The following P3H2 variants were observed in gnomAD, a reference collection of about 807,000 sequenced individuals.
P3H2 encodes the protein leprecan-like 1.
Under a neutral mutation model 87.0 loss-of-function variants are expected in P3H2, and 80 were observed. The observed-to-expected ratio is 0.92, with a 90% CI of 0.77 to 1.11. The LOEUF is 1.11. P3H2 is among the 50% of genes least tolerant of loss of function. P3H2 has a pLI of 0.00. For missense variants in P3H2, 1,001 were observed against 923.9 expected (o/e 1.08, Z -1.08); for synonymous variants, 367 against 359.3 (o/e 1.02, Z -0.24).
chr3:190,044,971 G>C (rs541692540), intron 1 of P3H2, among the ~76,000 whole-genome samples: 56 of 152,288 alleles, frequency 3.7e-4, no homozygotes, highest in African/African-American at 1.3e-3. Flanking sequence ...AGTAATTTGG[G>C]GAGGAGGAGA....
At position 190,105,834 on chromosome 3, in the gene P3H2, C is replaced by G. The variant is rs914060493; in HGVS notation, c.480+14418G>C. Reference sequence around the variant, plus strand: ...GCTGCCCTAGTCCAAATGCAAACCCCAAGGACTAGAGAAAGCCATTTATGA... The same window carrying G: ...GCTGCCCTAGTCCAAATGCAAACCCGAAGGACTAGAGAAAGCCATTTATGA... On this transcript the variant is annotated intron_variant, in intron 1 of 14. Transcript: ENST00000319332. 6.6e-5 allele frequency among the ~76,000 whole-genome samples: 10 copies of G among 152,180 alleles called. No homozygotes were observed. In the East Asian group the frequency reaches 7.7e-4, roughly 12 times the overall value.
At chr3:189,979,680 G>C (rs1459304572) in intron 8 of P3H2, among the ~76,000 whole-genome samples, 1 of 151,992 alleles carries the variant, frequency 6.6e-6, no homozygotes, top group African/African-American at 2.4e-5. Flanking sequence ...CTGGTGGGTG[G>C]GCTGAGCACA....
intron 1 of P3H2, among the ~76,000 whole-genome samples, chr3:190,084,804 CCA>C (rs1288333329): frequency 6.6e-6 from 1 of 152,068 alleles, no homozygotes; most frequent in Non-Finnish European, 1.5e-5. Context: ...TTTGTTTTAG[CCA>C]CAGTCTCTAC....
intron 1 of P3H2, among the ~76,000 whole-genome samples, chr3:190,067,559 A>G (rs1726551492): frequency 6.6e-6 from 1 of 152,150 alleles, no homozygotes. Flanking sequence ...CTTTTGAATA[A>G]CTAGTGATTC....
At chr3:190,040,759 C>CA (rs1437983220) in intron 1 of P3H2, among the ~76,000 whole-genome samples, 3 of 151,756 alleles carry the variant, frequency 2.0e-5, no homozygotes, top group Admixed American at 6.6e-5. Context: ...GAACTCTATG[C>CA]AAAAAATGAG....
chr3:189,957,488 A>C lies in P3H2; in HGVS notation c.*424T>G. 2.7e-6 allele frequency: 1 copy of C among 367,026 alleles called. No individual in the cohort carries two copies. The allele number at this position is 367,026 out of a possible 1,614,324, so 22.7% of individuals were successfully genotyped here. ...GTGTGTGTGTGTGTGTGTTTGGGGG[A>C]GGAGGTGAACTGGGCTTTGATAGAT... On this transcript the variant is annotated 3_prime_UTR_variant, in exon 15 of 15. Coordinates refer to ENST00000319332, the MANE Select transcript of P3H2 (RefSeq NM_018192.4).
At chr3:190,006,318 A>C (rs1298821140) in intron 1 of P3H2, among the ~76,000 whole-genome samples, 1 of 152,238 alleles carries the variant, frequency 6.6e-6, no homozygotes, top group East Asian at 1.9e-4. Context: ...GAACCTGCCT[A>C]GAATATTAGC....
At position 190,120,651 on chromosome 3, in the gene P3H2, CG is replaced by C; in HGVS notation, c.80del (p.Pro27ArgfsTer177). ...LLPPPLWGGP[P>X]DSPRRELELE... ...GCTCCAGCTCCCGGCGTGGGCTGTC[CG>C]GGGGGCCGCCCCACAGTGGCGGCGG... is the stretch of plus-strand genomic sequence containing the variant. On this transcript the variant is annotated frameshift_variant, in exon 1 of 15. Coordinates refer to ENST00000319332, the MANE Select transcript of P3H2 (RefSeq NM_018192.4). LOFTEE classifies it high-confidence loss of function. 1 of 1,525,620 alleles carries C rather than the reference CG, an allele frequency of 6.6e-7. No homozygotes were observed. Among genetic ancestry groups the C allele is most frequent in the Non-Finnish European group, 8.7e-7 (1 of 1,143,614 alleles). 94.5% of individuals were successfully genotyped at this position (1,525,620 alleles called of 1,614,324 possible). A position where few individuals can be genotyped will look rare whatever the true frequency, so the allele number is the denominator to read the frequency against.
intron 1 of P3H2, among the ~76,000 whole-genome samples, chr3:190,019,786 A>G (rs1317943518): frequency 2.7e-5 from 1 of 36,708 alleles, no homozygotes; most frequent in African/African-American, 6.8e-5. Flanking sequence ...AAATTAAAAA[A>G]TATATATATA....
chr3:190,042,572 A>T (rs940369534), intron 1 of P3H2, among the ~76,000 whole-genome samples: 1 of 152,212 alleles, frequency 6.6e-6, no homozygotes, highest in Non-Finnish European at 1.5e-5. Context: ...TATATTTGTA[A>T]TAAAAGATTT....
Position 190,082,514 on chromosome 3 carries a change from G to A in P3H2, c.480+37738C>T, listed in dbSNP as rs559534599. 2.0e-5 allele frequency among the ~76,000 whole-genome samples: 3 copies of A among 152,182 alleles called. No individual in the cohort carries two copies. In the South Asian group the frequency reaches 6.2e-4, roughly 32 times the overall value. The stretch of plus-strand genomic sequence containing the variant: ...GTACAAGGTAGAACAATCAAGTCAG[G>A]GTAATTGGGATAGCCTCCAACTCAA... On this transcript the variant is annotated intron_variant, in intron 1 of 14. Transcript: ENST00000319332.
At chr3:190,029,646 C>G (rs1351211827) in intron 1 of P3H2, among the ~76,000 whole-genome samples, 1 of 151,930 alleles carries the variant, frequency 6.6e-6, no homozygotes. Context: ...GACCAATAAA[C>G]AAGATGTCAA....
At chr3:190,072,888 T>C (rs1726751281) in intron 1 of P3H2, among the ~76,000 whole-genome samples, 1 of 152,232 alleles carries the variant, frequency 6.6e-6, no homozygotes, top group Non-Finnish European at 1.5e-5. Flanking sequence ...TTGTTATCTA[T>C]ACTTTGCTTC....
intron 1 of P3H2, among the ~76,000 whole-genome samples, chr3:190,101,545 C>T (rs1711628959): frequency 6.6e-6 from 1 of 151,782 alleles, no homozygotes; most frequent in South Asian, 2.1e-4. Flanking sequence ...TAATTCAGGG[C>T]AAGAGTCAAA....
chr3:189,986,712 T>C, intron 6 of P3H2, 76 bp downstream of exon 6: 1 of 1,085,420 alleles, frequency 9.2e-7, no homozygotes, highest in African/African-American at 1.6e-5. Flanking sequence ...ATGGCAAAAA[T>C]GGAGGCAGGT....
At chr3:190,121,885 A>G (rs1295625540), upstream of P3H2, among the ~76,000 whole-genome samples, 2 of 152,154 alleles carry the variant, frequency 1.3e-5, no homozygotes, top group African/African-American at 2.4e-5. Context: ...TGAGGTCAGG[A>G]GTTCGAGACC....
chr3:190,065,876 G>A (rs190393885), intron 1 of P3H2, among the ~76,000 whole-genome samples: 80 of 152,126 alleles, frequency 5.3e-4, no homozygotes, highest in African/African-American at 1.9e-3. Context: ...CGCCTTTGCT[G>A]TATCCCAGAG....
chr3:189,995,741 T>C lies in P3H2; in HGVS notation c.481-299A>G, dbSNP rs78696821. On this transcript the variant is annotated intron_variant, in intron 1 of 14. Coordinates refer to ENST00000319332, the MANE Select transcript of P3H2 (RefSeq NM_018192.4). ...GTTAATATCTAGGATCTATAAGATA[T>C]ATAAAAAGCTGAAAAAACTCTATAG... Among the ~76,000 whole-genome samples the C allele has an allele frequency of 0.018, 2,794 of 151,812 alleles. 84 individuals are homozygous for C. Among genetic ancestry groups the C allele is most frequent in the African/African-American group, 0.064 (2,637 of 41,394 alleles).
intron 1 of P3H2, among the ~76,000 whole-genome samples, chr3:190,080,549 C>T (rs1186227631): frequency 1.2e-4 from 18 of 152,016 alleles, no homozygotes; most frequent in African/African-American, 1.7e-4. Context: ...TACAGGCATG[C>T]AACACCACGC....
Sources: gnomAD v4.1 joint callset for allele counts (sites outside exome capture counted in the v4.1 genomes callset) on GRCh38, gnomAD v4.1.1 for gene constraint, MANE v1.5 for transcripts, NCBI Gene and HGNC (gene_info 2026-07-23, HGNC 2026-07-21) for gene names.